REEP1: variants seen among roughly 807,000 people sequenced by gnomAD.
REEP1 encodes the protein receptor accessory protein 1.
In REEP1, 22 loss-of-function variants were observed where a neutral mutation model predicts 40.3. The ratio of observed to expected loss-of-function variants is 0.55; its 90% CI spans 0.39 to 0.78. The LOEUF is 0.78. REEP1 is among the 30% of genes least tolerant of loss of function. The pLI is 0.00. For missense variants in REEP1, 280 were observed against 361.1 expected (o/e 0.78, Z 1.82); for synonymous variants, 116 against 139.2 (o/e 0.83, Z 1.17).
intron 3 of REEP1, among the ~76,000 whole-genome samples, chr2:86,261,770 A>C (rs1676866290): frequency 6.6e-6 from 1 of 152,234 alleles, no homozygotes; most frequent in Admixed American, 6.5e-5. Flanking sequence ...TGCCTTTTGC[A>C]GTTGAGACAA....
intron 1 of REEP1, among the ~76,000 whole-genome samples, chr2:86,327,559 T>C (rs1192628836): frequency 7.0e-6 from 1 of 142,088 alleles, no homozygotes; most frequent in African/African-American, 2.7e-5. Context: ...GGAAAGATGG[T>C]CTATCTTACT....
chr2:86,305,186 G>C (rs72940181), intron 1 of REEP1, among the ~76,000 whole-genome samples: 4,071 of 152,312 alleles, frequency 0.027, 182 homozygotes, highest in African/African-American at 0.091. Flanking sequence ...ATGAGGCCCA[G>C]ATGGTCCCTC....
chr2:86,305,130 A>G (rs1422481283), intron 1 of REEP1, among the ~76,000 whole-genome samples: 1 of 152,160 alleles, frequency 6.6e-6, no homozygotes, highest in Non-Finnish European at 1.5e-5. Flanking sequence ...GGGGGAAAGG[A>G]GAGAGAGACA....
chr2:86,252,931 G>A (rs1428629530), intron 4 of REEP1, among the ~76,000 whole-genome samples: 1 of 152,146 alleles, frequency 6.6e-6, no homozygotes, highest in East Asian at 1.9e-4. Context: ...GATTAACTTT[G>A]GTGTATTATT....
At chr2:86,292,945 C>G (rs916482388) in intron 1 of REEP1, among the ~76,000 whole-genome samples, 1 of 152,194 alleles carries the variant, frequency 6.6e-6, no homozygotes, top group African/African-American at 2.4e-5. Context: ...GCCATGGGAA[C>G]AGGACAAACC....
intron 5 of REEP1, among the ~76,000 whole-genome samples, chr2:86,238,169 A>G (rs766184243): frequency 9.9e-5 from 15 of 152,238 alleles, no homozygotes; most frequent in Non-Finnish European, 1.9e-4. Context: ...CAACAAGAGC[A>G]AAACTCTGTC....
At chr2:86,279,584 C>T (rs921811674) in intron 2 of REEP1, among the ~76,000 whole-genome samples, 1 of 152,154 alleles carries the variant, frequency 6.6e-6, no homozygotes, top group African/African-American at 2.4e-5. Flanking sequence ...GGAAGAGTAT[C>T]CTGGATGACC....
intron 6 of REEP1, among the ~76,000 whole-genome samples, chr2:86,231,711 C>T (rs372778705): frequency 6.6e-6 from 1 of 152,156 alleles, no homozygotes; most frequent in Non-Finnish European, 1.5e-5. Context: ...CCCACCCCCC[C>T]ACCATCAGTC....
rs34332023 is a variant in REEP1 at position 86,315,278 on chromosome 2, AC to A, written c.32+22200del. ...CTCAGCTCAGCAAGGGCTGAGTGAC[AC>A]CCCCAAGTCACATCCAGTCCGGGGC... On this transcript the variant is annotated intron_variant, in intron 1 of 8. Coordinates refer to ENST00000538924, the MANE Select transcript of REEP1 (RefSeq NM_001371279.1). Among the ~76,000 whole-genome samples the A allele has an allele frequency of 2.0e-5, 3 of 152,046 alleles. No individual in the cohort carries two copies. The South Asian group carries it at 6.2e-4, about 31-fold the overall frequency.
intron 1 of REEP1, among the ~76,000 whole-genome samples, chr2:86,330,298 G>A (rs1483904918): frequency 6.6e-6 from 1 of 152,136 alleles, no homozygotes; most frequent in Non-Finnish European, 1.5e-5. Flanking sequence ...AGTGAGGAGT[G>A]TAACCACTTG....
chr2:86,254,964 T>C, intron 3 of REEP1, 150 bp from the exon 4 acceptor site: 1 of 771,688 alleles, frequency 1.3e-6, no homozygotes, highest in Non-Finnish European at 2.2e-6. Flanking sequence ...CCTATGAAGG[T>C]GAGGGCACAC....
At chr2:86,266,780 G>A (rs927742611) in intron 2 of REEP1, among the ~76,000 whole-genome samples, 2 of 151,432 alleles carry the variant, frequency 1.3e-5, no homozygotes, top group Admixed American at 1.3e-4. Context: ...GGCCGAGGTG[G>A]GTGGATCACG....
At chr2:86,323,246 C>T (rs1290386724) in intron 1 of REEP1, among the ~76,000 whole-genome samples, 2 of 152,208 alleles carry the variant, frequency 1.3e-5, no homozygotes, top group South Asian at 2.1e-4. Context: ...TCTATTGTTT[C>T]GTACATTAAA....
intron 1 of REEP1, among the ~76,000 whole-genome samples, chr2:86,314,287 C>T (rs1052506604): frequency 3.9e-5 from 6 of 152,148 alleles, no homozygotes; most frequent in African/African-American, 1.4e-4. Flanking sequence ...AGAAATTTGC[C>T]CATGCCCTAT....
intron 3 of REEP1, among the ~76,000 whole-genome samples, chr2:86,260,559 GC>G (rs751223284): frequency 1.8e-4 from 28 of 152,182 alleles, no homozygotes; most frequent in Non-Finnish European, 3.7e-4. Context: ...AATCACAAGA[GC>G]CCTTAAAACA....
chr2:86,293,265 G>C (rs916594832), intron 1 of REEP1, among the ~76,000 whole-genome samples: 2 of 152,174 alleles, frequency 1.3e-5, no homozygotes, highest in Non-Finnish European at 2.9e-5. Flanking sequence ...CAAAGTCAGA[G>C]GTTTTATCTT....
rs144147803 is a variant in REEP1 at position 86,324,140 on chromosome 2, GA to G, written c.32+13338del. Among the ~76,000 whole-genome samples, 852 of 146,644 alleles carry G rather than the reference GA, an allele frequency of 5.8e-3. 23 individuals carry two copies. In the East Asian group the frequency reaches 0.08, roughly 14 times the overall value. The stretch of plus-strand genomic sequence containing the variant: ...GACACAAAAAGCAAAAACTATAAAC[GA>G]AAAAAAAAATGCTGTCTATTGCATT... On this transcript the variant is annotated intron_variant, in intron 1 of 8. Transcript: ENST00000538924.
chr2:86,271,286 C>A (rs1313743688), intron 2 of REEP1, among the ~76,000 whole-genome samples: 3 of 148,280 alleles, frequency 2.0e-5, no homozygotes, highest in Non-Finnish European at 4.5e-5. Flanking sequence ...AAAAAGAAAA[C>A]CATACCTAGG....
chr2:86,265,937 A>G (rs925367235), intron 2 of REEP1, among the ~76,000 whole-genome samples: 1 of 152,196 alleles, frequency 6.6e-6, no homozygotes, highest in African/African-American at 2.4e-5. Flanking sequence ...TAAAGCTATA[A>G]ACACAAAAAA....
Sources: gnomAD v4.1 joint callset for allele counts (sites outside exome capture counted in the v4.1 genomes callset) on GRCh38, gnomAD v4.1.1 for gene constraint, MANE v1.5 for transcripts, NCBI Gene and HGNC (gene_info 2026-07-23, HGNC 2026-07-21) for gene names.